Variants in KIF1A observed in about 807,000 individuals in gnomAD.
The protein encoded by KIF1A is kinesin-like protein KIF1A.
In KIF1A, 46 loss-of-function variants were observed where a neutral mutation model predicts 227.3. That is an observed-to-expected ratio of 0.20 (90% CI 0.16 to 0.26). KIF1A has a LOEUF of 0.26. Ranked by LOEUF, KIF1A falls within the 10% of genes least tolerant of loss-of-function variation. The pLI is 1.00. For missense variants in KIF1A, 1,683 were observed against 2,485.9 expected (o/e 0.68, Z 6.87); for synonymous variants, 1,022 against 1,012.8 (o/e 1.01, Z -0.17).
chr2:240,811,547 T>A (rs1419361860), intron 1 of KIF1A, among the ~76,000 whole-genome samples: 2 of 148,976 alleles, frequency 1.3e-5, no homozygotes, highest in African/African-American at 5.0e-5. Context: ...AGGCGGGGGG[T>A]TGCGGTCCAC....
chr2:240,752,064 C>T lies in KIF1A; in HGVS notation c.2859-1517G>A, dbSNP rs1423666415. Among the ~76,000 whole-genome samples the T allele has an allele frequency of 6.6e-6, 1 of 152,084 alleles. No individual in the cohort carries two copies. Among genetic ancestry groups the T allele is most frequent in the African/African-American group, 2.4e-5 (1 of 41,420 alleles). Reference sequence around the variant, plus strand: ...GCAACAGGAAAAGGGTCTTGCTGCCCTCCAGGGGCCTGAAAGTCTCCTCAG... The same window carrying T: ...GCAACAGGAAAAGGGTCTTGCTGCCTTCCAGGGGCCTGAAAGTCTCCTCAG... On this transcript the variant is annotated intron_variant, in intron 27 of 48. Transcript: ENST00000498729. The surrounding 1 kb of genome is among the most constrained non-coding windows in gnomAD (Gnocchi z 6.4).
At chr2:240,797,576 G>A in intron 2 of KIF1A, 71 bp downstream of exon 2, 1 of 1,075,896 alleles carries the variant, frequency 9.3e-7, no homozygotes, top group South Asian at 1.3e-5. Context: ...GCTGAGCCTG[G>A]CCCATAGGCA....
At chr2:240,787,594 C>T (rs2055109633) in intron 4 of KIF1A, among the ~76,000 whole-genome samples, 1 of 152,212 alleles carries the variant, frequency 6.6e-6, no homozygotes, top group Non-Finnish European at 1.5e-5. Flanking sequence ...TCCCTTCCCT[C>T]AGCAGGCAAA....
chr2:240,786,460 C>T lies in KIF1A; in HGVS notation c.483G>A (p.Lys161=), dbSNP rs2054759177. The change falls in exon 6 of 49, where the codon AAG becomes AAA. Residue 161 remains lysine, a synonymous_variant. Transcript: ENST00000498729. ...CERVRDLLNP[K]NKGNLRVREH... Reference sequence around the variant, plus strand: ...CCCTCACGCGAAGGTTGCCCTTGTTCTTGGGGTTCAGGAGGTCACGGACGC... The same window carrying T: ...CCCTCACGCGAAGGTTGCCCTTGTTTTTGGGGTTCAGGAGGTCACGGACGC... The T allele has an allele frequency of 1.2e-6, 2 of 1,613,632 alleles. No individual in the cohort carries two copies. The highest frequency in any genetic ancestry group is 1.7e-6 in the Non-Finnish European group (2 of 1,179,784).
chr2:240,786,719 TG>T (rs2054867437), intron 5 of KIF1A, among the ~76,000 whole-genome samples: 3 of 120,964 alleles, frequency 2.5e-5, no homozygotes, highest in African/African-American at 3.5e-5. Context: ...GACCCCTGAG[TG>T]AGGGGGTGGG....
intron 1 of KIF1A, among the ~76,000 whole-genome samples, chr2:240,801,728 C>A (rs61678054): frequency 0.03 from 4,562 of 152,208 alleles, 227 homozygotes; most frequent in African/African-American, 0.1. Flanking sequence ...CCAGAGACAC[C>A]CCTCAGCCCC....
intron 1 of KIF1A, among the ~76,000 whole-genome samples, chr2:240,799,348 C>T (rs113342710): frequency 2.0e-5 from 3 of 152,206 alleles, no homozygotes; most frequent in Admixed American, 1.3e-4. Flanking sequence ...AGAACTCCTC[C>T]GCAGAACAGG....
intron 1 of KIF1A, among the ~76,000 whole-genome samples, chr2:240,808,887 C>T (rs971853517): frequency 3.9e-5 from 6 of 152,008 alleles, no homozygotes; most frequent in African/African-American, 9.7e-5. Context: ...CCCACCACCA[C>T]GCCCGGCTAA....
chr2:240,799,416 AG>A (rs1219031611), intron 1 of KIF1A, among the ~76,000 whole-genome samples: 2 of 152,050 alleles, frequency 1.3e-5, no homozygotes, highest in African/African-American at 2.4e-5. Flanking sequence ...GCTACAGGGG[AG>A]GGGGATGTGC....
At chr2:240,787,099 G>C in intron 5 of KIF1A, among the ~76,000 whole-genome samples, 152 bp downstream of exon 5, 1 of 152,176 alleles carries the variant, frequency 6.6e-6, no homozygotes, top group East Asian at 1.9e-4. Context: ...GCCCTGCCCA[G>C]GCCCGCCGTC....
intron 5 of KIF1A, 87 bp from the exon 6 acceptor site, chr2:240,786,600 G>T: frequency 2.3e-6 from 3 of 1,281,286 alleles, no homozygotes; most frequent in South Asian, 1.2e-5. Flanking sequence ...GGGGGTAGGG[G>T]TCAACATAAG....
chr2:240,754,601 A>G (rs1304719898), intron 27 of KIF1A, among the ~76,000 whole-genome samples: 1 of 152,214 alleles, frequency 6.6e-6, no homozygotes, highest in Non-Finnish European at 1.5e-5. Context: ...GTCTCTGCCC[A>G]GTGGAGACAC....
intron 15 of KIF1A, 148 bp from the exon 16 acceptor site, chr2:240,769,854 G>C (rs2051715691): frequency 1.7e-6 from 1 of 600,504 alleles, no homozygotes; most frequent in Non-Finnish European, 3.0e-6. Context: ...AGAAGACCAA[G>C]GTAAAGCTCA....
At chr2:240,805,975 C>T (rs1315108314) in intron 1 of KIF1A, among the ~76,000 whole-genome samples, 1 of 152,026 alleles carries the variant, frequency 6.6e-6, no homozygotes, top group African/African-American at 2.4e-5. Flanking sequence ...TGACAGAGTC[C>T]CAGGGACCAG....
At chr2:240,816,033 G>C (rs1575683179) in intron 1 of KIF1A, among the ~76,000 whole-genome samples, 1 of 152,154 alleles carries the variant, frequency 6.6e-6, no homozygotes, top group Admixed American at 6.5e-5. Flanking sequence ...AGGGGTGACA[G>C]CAGGCATCAT....
intron 31 of KIF1A, 56 bp downstream of exon 31, chr2:240,745,682 G>T: frequency 1.3e-6 from 2 of 1,577,774 alleles, no homozygotes; most frequent in Non-Finnish European, 1.7e-6. Flanking sequence ...AGGCACGGGA[G>T]CCTTGGGCAC....
Position 240,736,917 on chromosome 2 carries a change from C to T in KIF1A, c.4007+146G>A. 3.0e-6 allele frequency: 2 copies of T among 676,988 alleles called. No homozygotes were observed. The highest frequency in any genetic ancestry group is 5.3e-6 in the Non-Finnish European group (2 of 379,898). 41.9% of individuals were successfully genotyped at this position (676,988 alleles called of 1,614,324 possible). A position where few individuals can be genotyped will look rare whatever the true frequency, so the allele number is the denominator to read the frequency against. On this transcript the variant is annotated intron_variant, in intron 38 of 48. Coordinates refer to ENST00000498729, the MANE Select transcript of KIF1A (RefSeq NM_001244008.2). The surrounding 1 kb of genome is among the most constrained non-coding windows in gnomAD (Gnocchi z 4.7). ...TGCAGAGGCCACCAGCCCCTCACCG[C>T]ACAGCTCCTGCAGGTGCCAGGAGGG... is the stretch of plus-strand genomic sequence containing the variant.
At chr2:240,770,467 C>T (rs1000657489) in intron 15 of KIF1A, among the ~76,000 whole-genome samples, 2 of 152,186 alleles carry the variant, frequency 1.3e-5, no homozygotes, top group Non-Finnish European at 2.9e-5. Flanking sequence ...AGGGAGGAAG[C>T]TGCTGTGACC....
At chr2:240,721,766 G>A (rs375701321) in intron 44 of KIF1A, 41 bp downstream of exon 44, 192 of 1,539,608 alleles carry the variant, frequency 1.2e-4, no homozygotes, top group Middle Eastern at 6.7e-4. Context: ...ATGGGAGCCC[G>A]AGCCCTGCGG....
Sources: allele counts gnomAD v4.1 joint callset (sites outside exome capture counted in the v4.1 genomes callset), GRCh38; gene constraint gnomAD v4.1.1; non-coding constraint Gnocchi (gnomAD v3.1); transcripts MANE v1.5; gene names NCBI Gene and HGNC (gene_info 2026-07-23, HGNC 2026-07-21).